The following NME6 variants were observed in gnomAD, a reference collection of about 807,000 sequenced individuals.
NME6 encodes the protein NME/NM23 nucleoside diphosphate kinase 6.
NME6 carries 16 observed loss-of-function variants against 22.2 expected under a neutral mutation model. The observed-to-expected ratio is 0.72, with a 90% CI of 0.49 to 1.09. The LOEUF is 1.09. NME6 is among the 50% of genes least tolerant of loss of function. The pLI is 0.00. For synonymous variants in NME6, 58 were observed against 85.2 expected, an observed-to-expected ratio of 0.68 and a Z score of 1.76; for missense variants, 229 against 239.0, an observed-to-expected ratio of 0.96 and a Z score of 0.28.
chr3:48,297,646 G>T (rs1374276448), intron 2 of NME6: 1 of 152,374 alleles, frequency 6.6e-6, no homozygotes, highest in African/African-American at 2.4e-5. Context: ...CAGGGATTTT[G>T]AGGGAAATTA....
Position 48,293,702 on chromosome 3 carries a change from T to C in NME6, c.*935A>G, listed in dbSNP as rs1323520431. The stretch of plus-strand genomic sequence containing the variant: ...GGGCACTTCTCCATCTCTGCCACGT[T>C]ATAGCTGGCTGACCACCCAAATTCA... On this transcript the variant is annotated 3_prime_UTR_variant, in exon 6 of 6. Transcript: ENST00000442597. 4 of 152,274 alleles carry C rather than the reference T, an allele frequency of 2.6e-5. No homozygotes were observed. Among genetic ancestry groups the C allele is most frequent in the Non-Finnish European group, 5.9e-5 (4 of 68,058 alleles). The allele number at this position is 152,274 out of a possible 1,614,324, so 9.4% of individuals were successfully genotyped here.
chr3:48,299,316 T>C (rs1367682978), intron 1 of NME6: 2 of 217,958 alleles, frequency 9.2e-6, no homozygotes, highest in Admixed American at 1.2e-4. Context: ...AGAAATGATA[T>C]AATGGACATA....
intron 1 of NME6, among the ~76,000 whole-genome samples, chr3:48,299,710 A>G (rs1033897554): frequency 6.6e-6 from 1 of 152,168 alleles, no homozygotes; most frequent in Non-Finnish European, 1.5e-5. Context: ...AAAACTGTCA[A>G]TCATGTTAAA....
chr3:48,301,295 C>G (rs201143379), intron 1 of NME6, 58 bp downstream of exon 1: 1 of 1,599,052 alleles, frequency 6.3e-7, no homozygotes, highest in East Asian at 2.3e-5. Context: ...CCTAAGCCCA[C>G]CCCAGATTCT....
intron 2 of NME6, chr3:48,298,084 A>G: frequency 3.1e-6 from 1 of 318,372 alleles, no homozygotes; most frequent in South Asian, 2.5e-5. Flanking sequence ...CAACTCAGCC[A>G]AGCCTACTGG....
downstream of NME6, among the ~76,000 whole-genome samples, chr3:48,290,365 A>G (rs188601559): frequency 6.6e-6 from 1 of 152,326 alleles, no homozygotes; most frequent in East Asian, 1.9e-4. Context: ...AATTGTATAA[A>G]TTTATGGGTT....
Position 48,293,338 on chromosome 3 carries a change from G to T in NME6, c.*1299C>A, listed in dbSNP as rs961774369. ...CCAAATTTCCTGGTCTACCATTAGT[G>T]AAAGTGGCAGATGGTGAAGGCAATT... On this transcript the variant is annotated 3_prime_UTR_variant, in exon 6 of 6. Coordinates refer to ENST00000442597, the MANE Select transcript of NME6 (RefSeq NM_001308426.2). 1.3e-5 allele frequency: 2 copies of T among 152,206 alleles called. No individual in the cohort carries two copies. The highest frequency in any genetic ancestry group is 2.4e-5 in the African/African-American group (1 of 41,450). 9.4% of individuals were successfully genotyped at this position (152,206 alleles called of 1,614,324 possible).
At chr3:48,301,133 C>G in intron 1 of NME6, 1 of 787,884 alleles carries the variant, frequency 1.3e-6, no homozygotes, top group Non-Finnish European at 1.9e-6. Context: ...GGCGGCGGCC[C>G]AGCCCTGGTC....
intron 1 of NME6, 112 bp from the exon 2 acceptor site, chr3:48,298,635 T>C (rs1414633203): frequency 2.9e-6 from 2 of 682,550 alleles, no homozygotes; most frequent in Non-Finnish European, 4.9e-6. Flanking sequence ...CTGACACTCA[T>C]AAAGAACCTG....
intron 1 of NME6, chr3:48,300,149 A>T: frequency 2.3e-6 from 1 of 434,480 alleles, no homozygotes; most frequent in Non-Finnish European, 4.6e-6. Flanking sequence ...AAAGTGAACC[A>T]CACATGAAAA....
At chr3:48,299,450 A>G (rs1436205517) in intron 1 of NME6, among the ~76,000 whole-genome samples, 1 of 151,948 alleles carries the variant, frequency 6.6e-6, no homozygotes, top group Non-Finnish European at 1.5e-5. Context: ...TCTTATCTCA[A>G]TATTATCTCT....
intron 4 of NME6, 150 bp from the exon 5 acceptor site, chr3:48,295,385 C>T (rs928873178): frequency 1.2e-6 from 1 of 835,384 alleles, no homozygotes; most frequent in Non-Finnish European, 1.8e-6. Context: ...ATAGGTGATG[C>T]AGGGCCCCTG....
Position 48,296,173 on chromosome 3 carries a change from G to GAT in NME6, c.194-16_194-15insAT. On this transcript the variant is annotated splice_polypyrimidine_tract_variant and intron_variant, in intron 3 of 5. Transcript: ENST00000442597. ...GAAAAAACGCCCTGCAAAGAGAGAG[G>GAT]ACCTTCATCAAGATACCTTCATCCT... 1 of 1,614,112 alleles carries GAT rather than the reference G, an allele frequency of 6.2e-7. No individual in the cohort carries two copies.
intron 1 of NME6, among the ~76,000 whole-genome samples, chr3:48,299,967 T>G (rs2035521431): frequency 6.6e-6 from 1 of 152,166 alleles, no homozygotes; most frequent in South Asian, 2.1e-4. Context: ...ATCACCAACT[T>G]CTGGCAATTT....
chr3:48,294,703 A>G lies in NME6; in HGVS notation c.495T>C (p.Pro165=). 1.9e-6 allele frequency: 3 copies of G among 1,614,206 alleles called. No homozygotes were observed. Among genetic ancestry groups the G allele is most frequent in the Non-Finnish European group, 2.5e-6 (3 of 1,180,038 alleles). ...EEEEPQLRCG[P]VCYSPEGGVH... is the part of the protein sequence containing the mutation. ...CACCTCCCTCTGGGCTATAGCACAC[A>G]GGGCCACAGCGCAACTGGGGCTCTT... The change falls in exon 6 of 6, where the codon CCT becomes CCC. Residue 165 remains proline (P), a synonymous_variant. Coordinates refer to ENST00000442597, the MANE Select transcript of NME6 (RefSeq NM_001308426.2).
chr3:48,290,675 C>A (rs1284692035), downstream of NME6: 1 of 153,588 alleles, frequency 6.5e-6, no homozygotes, highest in Admixed American at 6.5e-5. Context: ...GTGTGTTTAA[C>A]CATATTCAGC....
At chr3:48,301,197 C>T (rs1216337688) in intron 1 of NME6, 156 bp downstream of exon 1, 6 of 1,424,530 alleles carry the variant, frequency 4.2e-6, no homozygotes, top group South Asian at 2.7e-5. Context: ...CGCCCTCCAG[C>T]CCCCCGGGCT....
At chr3:48,301,167 C>A in intron 1 of NME6, 186 bp downstream of exon 1, 3 of 1,189,120 alleles carry the variant, frequency 2.5e-6, no homozygotes, top group African/African-American at 1.6e-5. Context: ...CCGGGACCTG[C>A]GCCCCTACCC....
downstream of NME6, chr3:48,292,315 T>G (rs1009419358): frequency 5.9e-5 from 9 of 152,220 alleles, no homozygotes; most frequent in Admixed American, 4.6e-4. Context: ...CACACTGATA[T>G]CTCCAATTCG....
Sources: gnomAD v4.1 joint callset for allele counts (sites outside exome capture counted in the v4.1 genomes callset) on GRCh38, gnomAD v4.1.1 for gene constraint, MANE v1.5 for transcripts, NCBI Gene and HGNC (gene_info 2026-07-23, HGNC 2026-07-21) for gene names.